Variants in PEAK1 observed in about 807,000 individuals in gnomAD.
PEAK1 encodes the protein inactive tyrosine-protein kinase PEAK1.
In PEAK1, 54 loss-of-function variants were observed where a neutral mutation model predicts 124.7. That is an observed-to-expected ratio of 0.43 (90% CI 0.35 to 0.54). PEAK1 has a LOEUF of 0.54. Among genes scored for constraint, PEAK1 ranks in the 20% least tolerant of loss-of-function variants. PEAK1 has a pLI of 0.01. For synonymous variants in PEAK1, 719 were observed against 760.0 expected, an observed-to-expected ratio of 0.95 and a Z score of 0.89; for missense variants, 2,046 against 2,134.5, an observed-to-expected ratio of 0.96 and a Z score of 0.82.
chr15:77,418,948 T>TA, intron 1 of PEAK1: 1 of 985,340 alleles, frequency 1.0e-6, no homozygotes, highest in Non-Finnish European at 1.2e-6. Flanking sequence ...GACCTAAAAA[T>TA]AGTCTTTTAT....
intron 5 of PEAK1, among the ~76,000 whole-genome samples, chr15:77,266,016 A>C (rs2061704966): frequency 3.3e-5 from 5 of 150,546 alleles, no homozygotes. Flanking sequence ...AAAACCAAAC[A>C]CCGCATATTC....
chr15:77,209,304 C>T (rs1451989809), intron 6 of PEAK1, among the ~76,000 whole-genome samples: 1 of 151,866 alleles, frequency 6.6e-6, no homozygotes, highest in Non-Finnish European at 1.5e-5. Context: ...TTCAAAGTAA[C>T]CCGAATGAAG....
chr15:77,198,687 CTG>C (rs2058222709), intron 6 of PEAK1, among the ~76,000 whole-genome samples: 1 of 152,052 alleles, frequency 6.6e-6, no homozygotes, highest in African/African-American at 2.4e-5. Context: ...TACTTAGAGA[CTG>C]TAATATTATT....
At chr15:77,414,322 AC>A (rs2072696541) in intron 1 of PEAK1, among the ~76,000 whole-genome samples, 1 of 137,782 alleles carries the variant, frequency 7.3e-6, no homozygotes, top group Non-Finnish European at 1.5e-5. Flanking sequence ...TGATCCTCCC[AC>A]CTCAGCCTCC....
In PEAK1 at chr15:77,114,094, G is replaced by C. The variant is rs2051140920; in HGVS notation, c.*62C>G. Reference sequence around the variant, plus strand: ...TGAATTTGGAGTGAGCACTAGGGAGGGGAAGTGCATGGGTGACATGAAGAA... The same window carrying C: ...TGAATTTGGAGTGAGCACTAGGGAGCGGAAGTGCATGGGTGACATGAAGAA... On this transcript the variant is annotated 3_prime_UTR_variant, in exon 10 of 10. Coordinates refer to ENST00000682557, the MANE Select transcript of PEAK1 (RefSeq NM_001385026.1). 3 of 1,518,060 alleles carry C rather than the reference G, an allele frequency of 2.0e-6. No individual in the cohort carries two copies. The highest frequency in any genetic ancestry group is 1.8e-6 in the Non-Finnish European group (2 of 1,104,838). 94.0% of individuals were successfully genotyped at this position (1,518,060 alleles called of 1,614,324 possible). A position where few individuals can be genotyped will look rare whatever the true frequency, so the allele number is the denominator to read the frequency against.
At chr15:77,342,987 T>C (rs1038100509) in intron 2 of PEAK1, among the ~76,000 whole-genome samples, 1 of 152,228 alleles carries the variant, frequency 6.6e-6, no homozygotes, top group African/African-American at 2.4e-5. Flanking sequence ...AGCAGTGGCA[T>C]TGCTGGATCA....
rs934313966 is a variant in PEAK1, at chr15:77,109,126, A to T, written c.*5030T>A. 1 of 152,168 alleles carries T rather than the reference A, an allele frequency of 6.6e-6. No individual in the cohort carries two copies. Among genetic ancestry groups the T allele is most frequent in the African/African-American group, 2.4e-5 (1 of 41,430 alleles). 9.4% of individuals were successfully genotyped at this position (152,168 alleles called of 1,614,324 possible). On this transcript the variant is annotated 3_prime_UTR_variant, in exon 10 of 10. Coordinates refer to ENST00000682557, the MANE Select transcript of PEAK1 (RefSeq NM_001385026.1). ...AAAAACAATTACAATTTGTTAAGAA[A>T]TTTCCCAAGAGTTCTTTAAACAAAC...
chr15:77,287,265 A>T (rs1256383247), intron 2 of PEAK1, among the ~76,000 whole-genome samples: 1 of 152,232 alleles, frequency 6.6e-6, no homozygotes, highest in African/African-American at 2.4e-5. Flanking sequence ...CAAAACCAGA[A>T]TAGGAGACTT....
At chr15:77,251,487 C>A (rs898735101) in intron 6 of PEAK1, among the ~76,000 whole-genome samples, 11 of 152,046 alleles carry the variant, frequency 7.2e-5, no homozygotes, top group African/African-American at 2.7e-4. Flanking sequence ...AAAATAAGAT[C>A]TCTAGAAACT....
At chr15:77,268,853 CTATCTT>C (rs2061876720) in intron 5 of PEAK1, among the ~76,000 whole-genome samples, 1 of 152,126 alleles carries the variant, frequency 6.6e-6, no homozygotes, top group African/African-American at 2.4e-5. Flanking sequence ...GACTGCAATC[CTATCTT>C]TAGCCTCCTT....
chr15:77,175,017 A>C (rs974993339), intron 7 of PEAK1, among the ~76,000 whole-genome samples: 1 of 151,422 alleles, frequency 6.6e-6, no homozygotes, highest in Non-Finnish European at 1.5e-5. Context: ...TTCCCTATTT[A>C]ATAAATGGTG....
At chr15:77,334,220 C>A (rs888346444) in intron 2 of PEAK1, 1 of 983,824 alleles carries the variant, frequency 1.0e-6, no homozygotes, top group African/African-American at 1.7e-5. Flanking sequence ...ACGTAACTAA[C>A]CACATAATTT....
At chr15:77,414,552 C>T (rs1051481550) in intron 1 of PEAK1, among the ~76,000 whole-genome samples, 5 of 152,006 alleles carry the variant, frequency 3.3e-5, no homozygotes, top group Non-Finnish European at 7.4e-5. Context: ...TGACTTGAAA[C>T]GAACATGGTT....
At chr15:77,406,681 T>A (rs1215099542) in intron 1 of PEAK1, among the ~76,000 whole-genome samples, 1 of 152,098 alleles carries the variant, frequency 6.6e-6, no homozygotes, top group Non-Finnish European at 1.5e-5. Context: ...GCAGAATAAA[T>A]ATTGTGAAAA....
chr15:77,267,819 A>G (rs2061818940), intron 5 of PEAK1, among the ~76,000 whole-genome samples: 1 of 152,160 alleles, frequency 6.6e-6, no homozygotes. Context: ...AACACCCCCA[A>G]AAAATCACAC....
intron 2 of PEAK1, chr15:77,346,566 A>G (rs1597383073): frequency 2.0e-6 from 2 of 985,262 alleles, no homozygotes; most frequent in East Asian, 2.3e-4. Flanking sequence ...ATAGATGGAA[A>G]CAGTCACATC....
At chr15:77,377,520 TCAGCTCACTGCAACCTC>T (rs373684173) in intron 1 of PEAK1, among the ~76,000 whole-genome samples, 1,527 of 151,644 alleles carry the variant, frequency 0.01, 32 homozygotes, top group African/African-American at 0.035. Context: ...TGGCACGATC[TCAGCTCACTGCAACCTC>T]CAGCTCACTG....
At chr15:77,102,340 TG>T (rs1277503419) in exon 7 of PEAK1, 1 of 152,346 alleles carries the variant, frequency 6.6e-6, no homozygotes, top group Admixed American at 6.5e-5. Flanking sequence ...ATCTTTTTTC[TG>T]GGTTATTTAC....
At position 77,285,668 on chromosome 15, in the gene PEAK1, C is replaced by T. The variant is rs533481582; in HGVS notation, c.-520-613G>A. On this transcript the variant is annotated intron_variant, in intron 3 of 9. Coordinates refer to ENST00000682557, the MANE Select transcript of PEAK1 (RefSeq NM_001385026.1). Reference sequence around the variant, plus strand: ...GCTATCTAGCTGTTTATAATTTTGTCTTTCATATTCATAGTTAAGTTGCTA... The same window carrying T: ...GCTATCTAGCTGTTTATAATTTTGTTTTTCATATTCATAGTTAAGTTGCTA... Among the ~76,000 whole-genome samples, 73 of 152,200 alleles carry T rather than the reference C, an allele frequency of 4.8e-4. 1 individual carries two copies. In the South Asian group the frequency reaches 6.6e-3, roughly 14 times the overall value.
Sources: allele counts gnomAD v4.1 joint callset (sites outside exome capture counted in the v4.1 genomes callset), GRCh38; gene constraint gnomAD v4.1.1; transcripts MANE v1.5; gene names NCBI Gene and HGNC (gene_info 2026-07-23, HGNC 2026-07-21).